The following CREM variants were observed in gnomAD, a reference collection of about 807,000 sequenced individuals.
CREM encodes cAMP-responsive element modulator.
In CREM, 13 loss-of-function variants were observed where a neutral mutation model predicts 37.3. That is an observed-to-expected ratio of 0.35 (90% confidence interval 0.23 to 0.55). The LOEUF (loss-of-function observed/expected upper bound fraction) is 0.55, where lower values mean the gene tolerates loss of function less well. CREM is among the 20% of genes least tolerant of loss of function. The pLI is 0.88. For missense variants in CREM, 296 were observed against 362.3 expected (o/e 0.82, Z 1.49); for synonymous variants, 124 against 120.2 (o/e 1.03, Z -0.21).
intron 6 of CREM, among the ~76,000 whole-genome samples, chr10:35,193,043 C>G (rs1006416864): frequency 6.6e-6 from 1 of 152,292 alleles, no homozygotes; most frequent in African/African-American, 2.4e-5. Flanking sequence ...ATACGTTCCC[C>G]GAGGAAGCCT....
chr10:35,175,780 T>C, intron 3 of CREM: 1 of 1,613,762 alleles, frequency 6.2e-7, no homozygotes, highest in East Asian at 2.2e-5. Context: ...TAGTGAGTGG[T>C]ATTACTTAAA....
At chr10:35,165,686 A>T (rs1730072338) in intron 3 of CREM, among the ~76,000 whole-genome samples, 1 of 151,896 alleles carries the variant, frequency 6.6e-6, no homozygotes, top group Non-Finnish European at 1.5e-5. Flanking sequence ...TATAAAGGTC[A>T]TGTCCATTTT....
At position 35,190,822 on chromosome 10, in the gene CREM, C is replaced by T. The variant is rs541265589; in HGVS notation, c.598+2434C>T. Among the ~76,000 whole-genome samples the T allele has an allele frequency of 6.6e-5, 10 of 152,014 alleles. 1 individual carries two copies. In the South Asian group the frequency reaches 1.9e-3, roughly 28 times the overall value. ...GACTACAGGCGCCTGCCACCATGTC[C>T]GACTAATTTTTTTGTATTTTTAGTA... On this transcript the variant is annotated intron_variant, in intron 6 of 7. Coordinates refer to ENST00000685392, the MANE Select transcript of CREM (RefSeq NM_183011.2).
chr10:35,151,582 C>T (rs2092603989), intron 3 of CREM, among the ~76,000 whole-genome samples: 1 of 152,188 alleles, frequency 6.6e-6, no homozygotes, highest in Non-Finnish European at 1.5e-5. Flanking sequence ...CCATGTTGGC[C>T]AGGCTGGTTT....
intron 3 of CREM, chr10:35,167,402 G>T: frequency 4.0e-6 from 1 of 250,666 alleles, no homozygotes. Flanking sequence ...GATTTTTCAG[G>T]AGCAGAGTTG....
At chr10:35,195,836 C>G (rs1043849388) in intron 6 of CREM, 1 of 540,498 alleles carries the variant, frequency 1.9e-6, no homozygotes. Flanking sequence ...GTTAAAACTC[C>G]AAGCGAGCTG....
chr10:35,185,915 G>C (rs962110297), intron 5 of CREM, among the ~76,000 whole-genome samples: 1 of 152,156 alleles, frequency 6.6e-6, no homozygotes, highest in African/African-American at 2.4e-5. Context: ...TTAGGTGAAA[G>C]AAGTGAAAAT....
chr10:35,137,597 T>C (rs2090762948), intron 1 of CREM, among the ~76,000 whole-genome samples, 185 bp from the exon 2 acceptor site: 1 of 152,166 alleles, frequency 6.6e-6, no homozygotes, highest in Non-Finnish European at 1.5e-5. Context: ...AGGGCTGTTT[T>C]TAGCTTTCTA....
At chr10:35,133,829 G>T (rs1460663433) in intron 1 of CREM, among the ~76,000 whole-genome samples, 1 of 152,220 alleles carries the variant, frequency 6.6e-6, no homozygotes, top group African/African-American at 2.4e-5. Flanking sequence ...CCCTGTTGGA[G>T]TGAACATAAG....
chr10:35,167,185 T>G (rs2093596326), intron 3 of CREM, among the ~76,000 whole-genome samples: 1 of 152,196 alleles, frequency 6.6e-6, no homozygotes, highest in Non-Finnish European at 1.5e-5. Flanking sequence ...ACATCTTTAT[T>G]CAGGTATTTG....
intron 2 of CREM, among the ~76,000 whole-genome samples, chr10:35,145,728 G>A (rs916710150): frequency 7.6e-6 from 1 of 131,786 alleles, no homozygotes; most frequent in Non-Finnish European, 1.5e-5. Flanking sequence ...GCAGTGAGCC[G>A]AGATGCCTCT....
intron 3 of CREM, among the ~76,000 whole-genome samples, chr10:35,165,913 T>C (rs1020232547): frequency 6.6e-6 from 1 of 152,156 alleles, no homozygotes; most frequent in Non-Finnish European, 1.5e-5. Flanking sequence ...AATAGATTAT[T>C]TAAACCCTTC....
chr10:35,200,380 A>C (rs2095348776), intron 6 of CREM, among the ~76,000 whole-genome samples: 1 of 152,248 alleles, frequency 6.6e-6, no homozygotes, highest in Non-Finnish European at 1.5e-5. Flanking sequence ...TAATAATTTC[A>C]TAATGTATGC....
intron 5 of CREM, among the ~76,000 whole-genome samples, chr10:35,183,654 A>G (rs899818235): frequency 2.6e-5 from 4 of 152,258 alleles, no homozygotes; most frequent in Non-Finnish European, 4.4e-5. Flanking sequence ...CTGTTTTTAA[A>G]GTTAATGCAG....
At chr10:35,158,971 A>G (rs1229363385) in intron 3 of CREM, among the ~76,000 whole-genome samples, 1 of 151,924 alleles carries the variant, frequency 6.6e-6, no homozygotes, top group African/African-American at 2.4e-5. Context: ...GATCTAATTA[A>G]ACAAAACCAA....
At chr10:35,184,707 G>A (rs75499444) in intron 5 of CREM, among the ~76,000 whole-genome samples, 3 of 152,050 alleles carry the variant, frequency 2.0e-5, no homozygotes, top group African/African-American at 7.2e-5. Context: ...GATTCTTGAT[G>A]TGTCAGCTGT....
intron 3 of CREM, among the ~76,000 whole-genome samples, chr10:35,174,526 T>A (rs1003473881): frequency 6.6e-6 from 1 of 152,218 alleles, no homozygotes; most frequent in Admixed American, 6.5e-5. Context: ...TTTTAATAAT[T>A]CTTTTCAGAT....
chr10:35,157,406 G>A (rs1458912961), intron 3 of CREM, among the ~76,000 whole-genome samples: 11 of 151,978 alleles, frequency 7.2e-5, no homozygotes, highest in East Asian at 1.9e-4. Flanking sequence ...TGAGGCAGGC[G>A]GATCGCTGGA....
chr10:35,144,850 A>T (rs1465489941), intron 2 of CREM, among the ~76,000 whole-genome samples: 1 of 151,654 alleles, frequency 6.6e-6, no homozygotes, highest in Non-Finnish European at 1.5e-5. Context: ...TAGTTATTAT[A>T]AATATCAGTT....
Sources: gnomAD v4.1 joint callset for allele counts (sites outside exome capture counted in the v4.1 genomes callset) on GRCh38, gnomAD v4.1.1 for gene constraint, MANE v1.5 for transcripts, NCBI Gene and HGNC (gene_info 2026-07-23, HGNC 2026-07-21) for gene names.